Variants in HEATR1 observed in about 807,000 individuals in gnomAD.
HEATR1 encodes HEAT repeat containing 1.
In HEATR1, 77 loss-of-function variants were observed where a neutral mutation model predicts 248.2. The observed-to-expected ratio is 0.31, with a 90% CI of 0.26 to 0.37. The LOEUF (loss-of-function observed/expected upper bound fraction) is 0.37. HEATR1 is among the 10% of genes least tolerant of loss of function. HEATR1 has a pLI of 1.00. For synonymous variants in HEATR1, 897 were observed against 923.1 expected (o/e 0.97, Z 0.51); for missense variants, 2,420 against 2,504.9 (o/e 0.97, Z 0.72).
rs1663462925 is a variant in HEATR1 at position 236,572,804 on chromosome 1, G to C, written c.3484C>G (p.Arg1162Gly). ...TTATCTGGTGGCTCCAGTTCTATTC[G>C]GACTTGTTCAGCATTAACGGAAATC... is the stretch of plus-strand genomic sequence containing the variant. ...KGISVNAEQVRIELEPPDKAK... is the reference protein window; with the variant it reads ...KGISVNAEQVGIELEPPDKAK... The change falls in exon 25 of 45, where the codon CGA becomes GGA. Residue 1162 changes from arginine (R) to glycine (G), a missense_variant. Arg to Gly is a moderately radical substitution (Grantham distance 125). Coordinates refer to ENST00000366582, the MANE Select transcript of HEATR1 (RefSeq NM_018072.6). 3 of 1,613,814 alleles carry C rather than the reference G, an allele frequency of 1.9e-6. No homozygotes were observed. The highest frequency in any genetic ancestry group is 2.5e-6 in the Non-Finnish European group (3 of 1,179,808).
At chr1:236,587,766 A>G in intron 13 of HEATR1, among the ~76,000 whole-genome samples, 182 bp downstream of exon 13, 1 of 152,148 alleles carries the variant, frequency 6.6e-6, no homozygotes, top group East Asian at 1.9e-4. Flanking sequence ...TATATTTAAT[A>G]TATCAAATTG....
chr1:236,585,593 AT>A (rs200431143), intron 16 of HEATR1, among the ~76,000 whole-genome samples: 2,845 of 152,296 alleles, frequency 0.019, 47 homozygotes, highest in Non-Finnish European at 0.026. Flanking sequence ...AGGATATATT[AT>A]TCTTATGGGT....
rs1024588201 is a variant in HEATR1 at position 236,586,149 on chromosome 1, T to C, written c.1927+92A>G. 1.9e-5 allele frequency: 22 copies of C among 1,172,230 alleles called. No homozygotes were observed. In the East Asian group the frequency reaches 2.9e-4, roughly 16 times the overall value. The allele number at this position is 1,172,230 out of a possible 1,614,324, so 72.6% of individuals were successfully genotyped here. ...AAAATTTTAAAAGACCTTACTGGCA[T>C]ATAAGCATGACCAACAATAAATTTT... is the stretch of plus-strand genomic sequence containing the variant. On this transcript the variant is annotated intron_variant, in intron 15 of 44. Coordinates refer to ENST00000366582, the MANE Select transcript of HEATR1 (RefSeq NM_018072.6).
In HEATR1 at chr1:236,603,995, T is replaced by A. The variant is rs1318896380; in HGVS notation, c.101A>T (p.Lys34Met). Residue 34 changes from lysine to methionine, a missense_variant, in exon 2 of 45, where the codon AAG becomes ATG. By Grantham distance (95) the Lys-to-Met change is moderately conservative (BLOSUM62 -1). Coordinates refer to ENST00000366582, the MANE Select transcript of HEATR1 (RefSeq NM_018072.6). The stretch of plus-strand genomic sequence containing the variant: ...GTCCCTGTCGATTGTGGCCGCTTCC[T>A]TAGGGTCAAATAACAAAGAAGCAAC... ...DEVASLLFDPKEAATIDRDTA... is the reference protein window; with the variant it reads ...DEVASLLFDPMEAATIDRDTA... 5.0e-6 allele frequency: 8 copies of A among 1,600,088 alleles called. No individual in the cohort carries two copies. Among genetic ancestry groups the A allele is most frequent in the Admixed American group, 1.8e-5 (1 of 56,344 alleles).
rs899799557 is a variant in HEATR1 at position 236,583,271 on chromosome 1, A to G, written c.2242-75T>C. On this transcript the variant is annotated intron_variant, in intron 17 of 44. Transcript: ENST00000366582. ...ATGGGTTATATGAATTCCTCTGCAT[A>G]ATATGCAAAAGTTTTGTTTATGTGT... The G allele has an allele frequency of 1.2e-5, 16 of 1,303,774 alleles. No homozygotes were observed. The African/African-American group carries it at 2.1e-4, about 17-fold the overall frequency. 80.8% of individuals were successfully genotyped at this position (1,303,774 alleles called of 1,614,324 possible).
chr1:236,558,314 A>G lies in HEATR1; in HGVS notation c.5127T>C (p.Asn1709=). 1 of 1,614,176 alleles carries G rather than the reference A, an allele frequency of 6.2e-7. No individual in the cohort carries two copies. The highest frequency in any genetic ancestry group is 8.5e-7 in the Non-Finnish European group (1 of 1,180,028). The change falls in exon 36 of 45, where the codon AAT becomes AAC. Residue 1709 remains asparagine, a synonymous_variant. Coordinates refer to ENST00000366582, the MANE Select transcript of HEATR1 (RefSeq NM_018072.6). The part of the protein sequence containing the change: ...LIAPERKEEK[N]VLGSALLCIA... Reference sequence around the variant, plus strand: ...TGCACAGCAGCGCGCTTCCCAGGACATTCTTCTCCTCCTTTCTCTCTGGAG... The same window carrying G: ...TGCACAGCAGCGCGCTTCCCAGGACGTTCTTCTCCTCCTTTCTCTCTGGAG...
chr1:236,560,307 A>T (rs1663097186), intron 33 of HEATR1, among the ~76,000 whole-genome samples: 1 of 149,430 alleles, frequency 6.7e-6, no homozygotes, highest in Non-Finnish European at 1.5e-5. Context: ...TGAACATATA[A>T]CCCACTTCTT....
At chr1:236,554,853 A>G (rs1662911223) in intron 41 of HEATR1, 101 bp from the exon 42 acceptor site, 1 of 1,031,166 alleles carries the variant, frequency 9.7e-7, no homozygotes, top group Non-Finnish European at 1.4e-6. Context: ...AAATCAGAAG[A>G]GTCTAAAATG....
chr1:236,581,331 G>A lies in HEATR1; in HGVS notation c.2646C>T (p.Asn882=), dbSNP rs775813609. 1.3e-5 allele frequency: 21 copies of A among 1,611,882 alleles called. No homozygotes were observed. The highest frequency in any genetic ancestry group is 1.8e-5 in the Non-Finnish European group (21 of 1,179,348). The change falls in exon 20 of 45, where the codon AAC becomes AAT. Residue 882 remains asparagine (N), a synonymous_variant. Coordinates refer to ENST00000366582, the MANE Select transcript of HEATR1 (RefSeq NM_018072.6). ...TYGSSLSNPL[N]CSVKTVLQTQ... is the part of the protein sequence containing the mutation. Reference sequence around the variant, plus strand: ...TCTGCAGCACTGTTTTCACACTGCAGTTTAGTGGATTTGAAAGGCTAGAAC... The same window carrying A: ...TCTGCAGCACTGTTTTCACACTGCAATTTAGTGGATTTGAAAGGCTAGAAC...
intron 21 of HEATR1, 111 bp downstream of exon 21, chr1:236,576,669 C>T: frequency 9.9e-7 from 1 of 1,010,524 alleles, no homozygotes; most frequent in Non-Finnish European, 1.4e-6. Flanking sequence ...TTCCTAAATC[C>T]AATGACTTAG....
chr1:236,603,849 A>G, intron 2 of HEATR1, 105 bp downstream of exon 2: 1 of 1,235,888 alleles, frequency 8.1e-7, no homozygotes, highest in African/African-American at 1.6e-5. Context: ...GAAACTGCTA[A>G]GGAAGAGGAC....
At chr1:236,564,887 A>G (rs1179857857) in intron 31 of HEATR1, among the ~76,000 whole-genome samples, 2 of 152,214 alleles carry the variant, frequency 1.3e-5, no homozygotes, top group East Asian at 3.8e-4. Context: ...TGTTTAAGAC[A>G]AAAAACAAAA....
chr1:236,550,701 C>T lies in HEATR1; in HGVS notation c.*201G>A, dbSNP rs1662688884. ...TACCGTGTATCATTTACTCTTTCTG[C>T]AGCTCTATACGATAGGCAGGAGAGG... is the stretch of plus-strand genomic sequence containing the variant. On this transcript the variant is annotated 3_prime_UTR_variant, in exon 45 of 45. Transcript: ENST00000366582. 3 of 477,246 alleles carry T rather than the reference C, an allele frequency of 6.3e-6. No homozygotes were observed. Among genetic ancestry groups the T allele is most frequent in the Admixed American group, 3.8e-5 (1 of 26,332 alleles). The allele number at this position is 477,246 out of a possible 1,614,324, so 29.6% of individuals were successfully genotyped here. A position where few individuals can be genotyped will look rare whatever the true frequency, so the allele number is the denominator to read the frequency against.
rs1192799138 is a variant in HEATR1 at position 236,555,761 on chromosome 1, G to A, written c.5649+44C>T. 4 of 1,612,870 alleles carry A rather than the reference G, an allele frequency of 2.5e-6. No individual in the cohort carries two copies. The South Asian group carries it at 4.4e-5, about 18-fold the overall frequency. ...AGATTGTTCTCGGACTCTTCAATAG[G>A]TGGATAACAGCTTTAGGATTTGGAG... On this transcript the variant is annotated intron_variant, in intron 39 of 44. Coordinates refer to ENST00000366582, the MANE Select transcript of HEATR1 (RefSeq NM_018072.6).
intron 37 of HEATR1, among the ~76,000 whole-genome samples, chr1:236,556,554 C>G (rs1343967077): frequency 1.3e-5 from 2 of 152,194 alleles, no homozygotes; most frequent in East Asian, 3.9e-4. Flanking sequence ...CGGCAAGAGT[C>G]AAGTTGCTAA....
rs200421108 is a variant in HEATR1, at chr1:236,569,095, A to C, written c.3978T>G (p.Ile1326Met). Residue 1326 changes from isoleucine to methionine, a missense_variant, in exon 29 of 45, where the codon ATT (isoleucine) becomes ATG (methionine). By Grantham distance (10) the Ile-to-Met change is conservative (BLOSUM62 1). Transcript: ENST00000366582. Reference protein sequence around the residue: ...PDKVLHNIMSIFTFMGANVMR... With the variant: ...PDKVLHNIMSMFTFMGANVMR... ...TGACATTGGCTCCCATAAATGTAAA[A>C]ATAGACATGATATTGTGTAAAACTT... is the stretch of plus-strand genomic sequence containing the variant. 1.1e-4 allele frequency: 179 copies of C among 1,599,920 alleles called. No individual in the cohort carries two copies. The highest frequency in any genetic ancestry group is 3.3e-4 in the Middle Eastern group (2 of 6,018).
chr1:236,567,732 A>T (rs561352151), intron 29 of HEATR1, among the ~76,000 whole-genome samples: 1 of 152,274 alleles, frequency 6.6e-6, no homozygotes, highest in South Asian at 2.1e-4. Context: ...GAAACAATAC[A>T]TGTGTGAAAA....
In HEATR1 at chr1:236,549,929, G is replaced by A. The variant is rs1662640797; in HGVS notation, c.*973C>T. On this transcript the variant is annotated 3_prime_UTR_variant, in exon 45 of 45. Coordinates refer to ENST00000366582, the MANE Select transcript of HEATR1 (RefSeq NM_018072.6). Reference sequence around the variant, plus strand: ...AGCTCTGTCTCTAAAATGCAAGTTGGCCTTTTGCTTGCCACATTTCTGCAT... The same window carrying A: ...AGCTCTGTCTCTAAAATGCAAGTTGACCTTTTGCTTGCCACATTTCTGCAT... The A allele has an allele frequency of 6.6e-6, 1 of 152,118 alleles. No individual in the cohort carries two copies. Among genetic ancestry groups the A allele is most frequent in the African/African-American group, 2.4e-5 (1 of 41,416 alleles). 9.4% of individuals were successfully genotyped at this position (152,118 alleles called of 1,614,324 possible).
At chr1:236,598,205 T>C (rs1410092227) in intron 4 of HEATR1, among the ~76,000 whole-genome samples, 1 of 152,170 alleles carries the variant, frequency 6.6e-6, no homozygotes, top group Admixed American at 6.5e-5. Context: ...GTGAAAGATG[T>C]TTGCTTATCG....
Sources: gnomAD v4.1 joint callset for allele counts (sites outside exome capture counted in the v4.1 genomes callset) on GRCh38, gnomAD v4.1.1 for gene constraint, MANE v1.5 for transcripts, NCBI Gene and HGNC (gene_info 2026-07-23, HGNC 2026-07-21) for gene names.